The following CHLSN variants were observed in gnomAD, a reference collection of about 807,000 sequenced individuals.
CHLSN encodes the protein cholesin.
the CHLSN span, chr7:986,501 G>C: frequency 8.6e-7 from 1 of 1,158,636 alleles, no homozygotes; most frequent in Non-Finnish European, 1.2e-6. Context: ...TTCTGTGGCC[G>C]CCTCCAGCAC....
chr7:1,110,931 G>T, the CHLSN span, among the ~76,000 whole-genome samples: 3 of 151,986 alleles, frequency 2.0e-5, no homozygotes, highest in Non-Finnish European at 4.4e-5. Context: ...AAGCAATCAC[G>T]CCAGGTGTGG....
At chr7:978,219 G>A in the CHLSN span, among the ~76,000 whole-genome samples, 1 of 152,136 alleles carries the variant, frequency 6.6e-6, no homozygotes, top group Non-Finnish European at 1.5e-5. Context: ...GTTCACCGGT[G>A]TAAAAAGTGG....
At chr7:1,085,909 G>A in the CHLSN span, among the ~76,000 whole-genome samples, 1 of 152,108 alleles carries the variant, frequency 6.6e-6, no homozygotes, top group East Asian at 1.9e-4. Context: ...CTGCCATGCC[G>A]TCACACATCA....
the CHLSN span, chr7:1,127,223 G>A: frequency 1.9e-6 from 3 of 1,564,376 alleles, no homozygotes; most frequent in Non-Finnish European, 2.6e-6. Flanking sequence ...GTGGATCCCA[G>A]AGGGCAGGGC....
the CHLSN span, chr7:1,075,952 A>C: frequency 6.6e-6 from 1 of 151,576 alleles, no homozygotes; most frequent in African/African-American, 2.4e-5. Flanking sequence ...TAGGAACAGC[A>C]GAGTCTGAGT....
chr7:1,124,263 G>A, the CHLSN span, among the ~76,000 whole-genome samples: 2 of 151,930 alleles, frequency 1.3e-5, no homozygotes, highest in Non-Finnish European at 2.9e-5. Flanking sequence ...CACAGTCACC[G>A]TAAGCCGAGC....
the CHLSN span, among the ~76,000 whole-genome samples, chr7:1,099,645 G>A: frequency 6.6e-6 from 1 of 151,902 alleles, no homozygotes; most frequent in Non-Finnish European, 1.5e-5. Context: ...AACTGACTGA[G>A]TCTCTCTGGA....
chr7:1,136,277 A>T, the CHLSN span, among the ~76,000 whole-genome samples: 1 of 113,922 alleles, frequency 8.8e-6, no homozygotes, highest in African/African-American at 3.7e-5. Context: ...AAATATATAA[A>T]ATATATATAA....
the CHLSN span, chr7:997,804 C>T: frequency 1.2e-6 from 2 of 1,603,708 alleles, no homozygotes; most frequent in South Asian, 2.2e-5. Context: ...TCATCGGGAA[C>T]CTGGACGGGA....
At chr7:1,105,787 T>C in the CHLSN span, among the ~76,000 whole-genome samples, 1 of 152,252 alleles carries the variant, frequency 6.6e-6, no homozygotes. Flanking sequence ...AACATTTCTC[T>C]TTCTAAATGT....
the CHLSN span, among the ~76,000 whole-genome samples, chr7:1,050,860 G>A: frequency 3.3e-5 from 5 of 152,180 alleles, no homozygotes; most frequent in Admixed American, 3.3e-4. Context: ...AACCCAGAAG[G>A]CTTGACGCGC....
chr7:1,055,620 G>A, the CHLSN span: 152 of 348,070 alleles, frequency 4.4e-4, 1 homozygote, highest in African/African-American at 2.5e-3. Flanking sequence ...CAGTGCCACC[G>A]GTGGACATCT....
At chr7:988,904 G>A in the CHLSN span, 2 of 855,148 alleles carry the variant, frequency 2.3e-6, no homozygotes, top group South Asian at 1.7e-5. Context: ...CCACCCCACA[G>A]CTCGGACTGC....
the CHLSN span, among the ~76,000 whole-genome samples, chr7:1,086,289 T>C: frequency 3.3e-5 from 5 of 152,384 alleles, no homozygotes; most frequent in Admixed American, 3.3e-4. Flanking sequence ...TTATTTTACT[T>C]ATTTTTTTCT....
the CHLSN span, among the ~76,000 whole-genome samples, chr7:1,102,006 C>T: frequency 6.6e-6 from 1 of 152,228 alleles, no homozygotes; most frequent in Admixed American, 6.5e-5. Context: ...GAAGGTCTTG[C>T]CCATAGAAGT....
the CHLSN span, chr7:1,076,105 C>T: frequency 2.0e-5 from 3 of 152,362 alleles, no homozygotes; most frequent in Non-Finnish European, 2.9e-5. Flanking sequence ...TGCCCAGCGC[C>T]TTGTCAAAAA....
chr7:1,091,816 G>A, the CHLSN span: 58 of 1,595,530 alleles, frequency 3.6e-5, no homozygotes, highest in Middle Eastern at 1.8e-4. Context: ...CACCTCCCCC[G>A]AGCTCAACCT....
chr7:1,032,376 G>A, the CHLSN span, among the ~76,000 whole-genome samples: 1 of 152,228 alleles, frequency 6.6e-6, no homozygotes, highest in Non-Finnish European at 1.5e-5. Context: ...GTGGCATCAC[G>A]AGAATCCACT....
the CHLSN span, chr7:1,059,318 G>A: frequency 6.4e-6 from 1 of 157,480 alleles, no homozygotes; most frequent in Non-Finnish European, 1.5e-5. Flanking sequence ...ACAGAGGGCT[G>A]GAGGCTGTGT....
Sources: allele counts gnomAD v4.1 joint callset (sites outside exome capture counted in the v4.1 genomes callset), GRCh38; gene constraint gnomAD v4.1.1; transcripts MANE v1.5; gene names NCBI Gene and HGNC (gene_info 2026-07-23, HGNC 2026-07-21).